USP30: variants seen among roughly 807,000 people sequenced by gnomAD.
The protein encoded by USP30 is ubiquitin carboxyl-terminal hydrolase 30.
Under a neutral mutation model 68.2 loss-of-function variants are expected in USP30, and 41 were observed. The observed-to-expected ratio is 0.60, with a 90% CI of 0.47 to 0.78. The LOEUF is 0.78. Among genes scored for constraint, USP30 ranks in the 30% least tolerant of loss-of-function variants. USP30 has a pLI of 0.00. For synonymous variants in USP30, 229 were observed against 253.7 expected (o/e 0.90, Z 0.93); for missense variants, 522 against 649.4 (o/e 0.80, Z 2.13).
intron 1 of USP30, among the ~76,000 whole-genome samples, chr12:109,053,461 C>G (rs1243836670): frequency 1.3e-5 from 2 of 152,056 alleles, no homozygotes; most frequent in Non-Finnish European, 2.9e-5. Context: ...CCTGTCAGGG[C>G]CCCCATTTCC....
intron 7 of USP30, among the ~76,000 whole-genome samples, chr12:109,078,539 C>T (rs2041683533): frequency 6.8e-6 from 1 of 147,994 alleles, no homozygotes; most frequent in African/African-American, 2.5e-5. Flanking sequence ...GCAGAGGTTG[C>T]AGTGAGCCGA....
chr12:109,047,571 A>C (rs1273584679), intron 3 of USP30: 3 of 152,160 alleles, frequency 2.0e-5, no homozygotes, highest in African/African-American at 4.8e-5. Context: ...GTTCATGTGA[A>C]AGCATCTTGT....
At position 109,085,875 on chromosome 12, in the gene USP30, G is replaced by A. The variant is rs749343833; in HGVS notation, c.1498G>A (p.Glu500Lys). Residue 500 changes from glutamate (E) to lysine (K), a missense_variant, in exon 13 of 13, where the codon GAG (glutamate) becomes AAG (lysine). By Grantham distance (56) the Glu-to-Lys change is moderately conservative (BLOSUM62 1). Coordinates refer to ENST00000257548, the MANE Select transcript of USP30 (RefSeq NM_032663.5). The stretch of plus-strand genomic sequence containing the variant: ...CTCCAGCGCCTACCTGCTGTTCTAC[G>A]AGCGCGTCCTTTCCAGGATGCAGCA... The part of the protein sequence containing the change: ...LSSSAYLLFY[E>K]RVLSRMQHQS... The A allele has an allele frequency of 3.1e-6, 5 of 1,614,180 alleles. No homozygotes were observed. The highest frequency in any genetic ancestry group is 3.4e-6 in the Non-Finnish European group (4 of 1,180,012).
At chr12:109,039,299 AC>A (rs1219095354) in intron 3 of USP30, among the ~76,000 whole-genome samples, 2 of 152,126 alleles carry the variant, frequency 1.3e-5, no homozygotes, top group African/African-American at 4.8e-5. Flanking sequence ...ACAATAGTGT[AC>A]CTTCTATATT....
intron 3 of USP30, among the ~76,000 whole-genome samples, chr12:109,058,496 C>T (rs187441606): frequency 1.2e-3 from 184 of 150,626 alleles, no homozygotes; most frequent in Admixed American, 1.1e-3. Flanking sequence ...CGCTTGAACC[C>T]GGGAGGCGGA....
intron 11 of USP30, 144 bp from the exon 12 acceptor site, chr12:109,084,809 T>G: frequency 1.0e-6 from 1 of 955,390 alleles, no homozygotes; most frequent in Non-Finnish European, 1.4e-6. Flanking sequence ...GGGCAGATTA[T>G]TTTATGAATC....
intron 3 of USP30, among the ~76,000 whole-genome samples, chr12:109,043,965 C>T (rs1166128187): frequency 6.6e-6 from 1 of 152,110 alleles, no homozygotes; most frequent in Non-Finnish European, 1.5e-5. Flanking sequence ...TAGGTAGCAA[C>T]CCGTGTCCAT....
chr12:109,067,498 AATT>A lies in USP30; in HGVS notation c.377-25_377-23del. The A allele has an allele frequency of 1.9e-6, 3 of 1,594,218 alleles. No homozygotes were observed. The South Asian group carries it at 3.3e-5, about 18-fold the overall frequency. On this transcript the variant is annotated intron_variant, in intron 3 of 12. Transcript: ENST00000257548. ...TAGTTGTTATGCTGATGAATTTAAT[AATT>A]GTCTTACCTTTTTTGTTTCCAGCCT... is the stretch of plus-strand genomic sequence containing the variant.
intron 3 of USP30, among the ~76,000 whole-genome samples, chr12:109,039,998 T>C (rs1194027065): frequency 6.6e-6 from 1 of 152,236 alleles, no homozygotes; most frequent in Non-Finnish European, 1.5e-5. Flanking sequence ...GGGTGATATA[T>C]GATATAAATA....
chr12:109,058,688 G>C (rs948401534), intron 3 of USP30, among the ~76,000 whole-genome samples: 1 of 152,058 alleles, frequency 6.6e-6, no homozygotes, highest in Non-Finnish European at 1.5e-5. Flanking sequence ...ATCGTAAGAA[G>C]TATTCTGGTT....
intron 3 of USP30, among the ~76,000 whole-genome samples, chr12:109,045,212 C>T (rs2040594668): frequency 6.6e-6 from 1 of 152,078 alleles, no homozygotes; most frequent in African/African-American, 2.4e-5. Context: ...TTCCTGACCT[C>T]GGGTGATCCA....
rs1395741428 is a variant in USP30, at chr12:109,053,023, G to T, written c.83+262G>T. The T allele has an allele frequency of 8.3e-6, 3 of 362,740 alleles. No homozygotes were observed. In the East Asian group the frequency reaches 1.2e-4, roughly 15 times the overall value. 22.5% of individuals were successfully genotyped at this position (362,740 alleles called of 1,614,324 possible). The stretch of plus-strand genomic sequence containing the variant: ...TCCTGTCATTGTTCCCAGGACACCC[G>T]GGGCACTCCAGTCTTGTCAAGGCCC... On this transcript the variant is annotated intron_variant, in intron 1 of 12. Coordinates refer to ENST00000257548, the MANE Select transcript of USP30 (RefSeq NM_032663.5).
intron 1 of USP30, among the ~76,000 whole-genome samples, chr12:109,024,248 A>G (rs894500107): frequency 7.2e-5 from 11 of 152,262 alleles, no homozygotes; most frequent in Admixed American, 6.5e-4. Flanking sequence ...TGCAATGGTT[A>G]AATTAATTTA....
At chr12:109,082,359 C>T (rs556980563) in intron 9 of USP30, among the ~76,000 whole-genome samples, 139 of 152,334 alleles carry the variant, frequency 9.1e-4, no homozygotes, top group African/African-American at 3.2e-3. Flanking sequence ...GAGTTTTCCC[C>T]TCTGACTCAA....
chr12:109,071,600 G>A lies in USP30; in HGVS notation c.481-12G>A, dbSNP rs781203229. The A allele has an allele frequency of 6.2e-7, 1 of 1,612,696 alleles. No individual in the cohort carries two copies. Among genetic ancestry groups the A allele is most frequent in the Non-Finnish European group, 8.5e-7 (1 of 1,178,946 alleles). On this transcript the variant is annotated splice_polypyrimidine_tract_variant and intron_variant, in intron 4 of 12. Transcript: ENST00000257548. The stretch of plus-strand genomic sequence containing the variant: ...TTCCAACCTCTCTAAAGAATGCTTT[G>A]CCCTATGACAGGATGCTCACGAATT...
chr12:109,038,620 GATAA>G (rs1440845085), intron 3 of USP30, among the ~76,000 whole-genome samples: 3 of 151,912 alleles, frequency 2.0e-5, no homozygotes, highest in African/African-American at 7.3e-5. Flanking sequence ...CTTTCTCTTG[GATAA>G]ATAAATACCT....
intron 3 of USP30, among the ~76,000 whole-genome samples, chr12:109,033,059 T>C (rs1033068708): frequency 1.3e-5 from 2 of 152,248 alleles, no homozygotes; most frequent in Admixed American, 1.3e-4. Context: ...ATCAAGACAG[T>C]ATTCTACCAG....
chr12:109,027,282 TA>T (rs2040451605), intron 2 of USP30, among the ~76,000 whole-genome samples: 1 of 152,136 alleles, frequency 6.6e-6, no homozygotes, highest in African/African-American at 2.4e-5. Context: ...CTTTCTTTTT[TA>T]TTTTTATTTT....
At position 109,081,623 on chromosome 12, in the gene USP30, GCACACACACACACACA is replaced by G. The variant is rs61164773; in HGVS notation, c.780+255_780+270del. On this transcript the variant is annotated intron_variant, in intron 8 of 12. Transcript: ENST00000257548. ...TTTGAATACACACGCACGCATGCGC[GCACACACACACACACA>G]CACACACACACACACACACACACAG... 745 of 500,626 alleles carry G rather than the reference GCACACACACACACACA, an allele frequency of 1.5e-3. 2 individuals carry two copies. Among genetic ancestry groups the G allele is most frequent in the Non-Finnish European group, 1.9e-3 (528 of 280,984 alleles). The allele number at this position is 500,626 out of a possible 1,614,324, so 31.0% of individuals were successfully genotyped here.
Sources: allele counts gnomAD v4.1 joint callset (sites outside exome capture counted in the v4.1 genomes callset), GRCh38; gene constraint gnomAD v4.1.1; transcripts MANE v1.5; gene names NCBI Gene and HGNC (gene_info 2026-07-23, HGNC 2026-07-21).